CLIC5: variants seen among roughly 807,000 people sequenced by gnomAD.
The protein encoded by CLIC5 is CLIC family member 5.
CLIC5 carries 20 observed loss-of-function variants against 24.7 expected under a neutral mutation model. The observed-to-expected ratio is 0.81, with a 90% CI of 0.57 to 1.18. The LOEUF is 1.18. CLIC5 is among the 50% of genes most tolerant of loss of function. CLIC5 has a pLI of 0.00. For synonymous variants in CLIC5, 159 were observed against 135.6 expected, an observed-to-expected ratio of 1.17 and a Z score of -1.20; for missense variants, 341 against 326.1, an observed-to-expected ratio of 1.05 and a Z score of -0.35.
chr6:45,903,292 G>A (rs1347660198), intron 5 of CLIC5, 37 bp from the exon 6 acceptor site: 5 of 1,534,886 alleles, frequency 3.3e-6, no homozygotes, highest in Non-Finnish European at 4.4e-6. Context: ...TGGTGTGAAG[G>A]CATGAAACAA....
chr6:46,080,529 C>A (rs1762898036), upstream of CLIC5, among the ~76,000 whole-genome samples: 1 of 152,138 alleles, frequency 6.6e-6, no homozygotes, highest in African/African-American at 2.4e-5. Flanking sequence ...GCAGTAACTC[C>A]AAGATTCTTT....
chr6:45,977,718 A>AT (rs960948798), intron 1 of CLIC5, among the ~76,000 whole-genome samples: 1 of 151,968 alleles, frequency 6.6e-6, no homozygotes, highest in Non-Finnish European at 1.5e-5. Flanking sequence ...ACTTTTGTTC[A>AT]TGTCATTTCT....
chr6:46,045,019 C>T (rs1767916663), intron 1 of CLIC5, among the ~76,000 whole-genome samples: 1 of 152,136 alleles, frequency 6.6e-6, no homozygotes, highest in Non-Finnish European at 1.5e-5. Context: ...ATAAATCATT[C>T]TTAGCTTGCT....
chr6:46,011,295 G>C (rs887981084), intron 1 of CLIC5, among the ~76,000 whole-genome samples: 1 of 152,232 alleles, frequency 6.6e-6, no homozygotes, highest in Non-Finnish European at 1.5e-5. Context: ...CCCTGAGGCT[G>C]TTAGAAGTTC....
At chr6:46,043,414 T>G (rs1449932862) in intron 1 of CLIC5, among the ~76,000 whole-genome samples, 1 of 152,212 alleles carries the variant, frequency 6.6e-6, no homozygotes, top group Non-Finnish European at 1.5e-5. Flanking sequence ...TTATGCACCA[T>G]GTTCTCAAAT....
the CLIC5 span, among the ~76,000 whole-genome samples, chr6:46,123,368 C>G: frequency 3.9e-5 from 6 of 152,066 alleles, no homozygotes; most frequent in Non-Finnish European, 7.4e-5. Context: ...AAAGGCCTTC[C>G]ACAATATTCA....
chr6:45,993,660 A>C (rs943507249), intron 1 of CLIC5, among the ~76,000 whole-genome samples: 1 of 152,192 alleles, frequency 6.6e-6, no homozygotes, highest in Non-Finnish European at 1.5e-5. Context: ...AACCCTGACA[A>C]ACTTTCACAT....
Position 45,898,462 on chromosome 6 carries a change from T to C in CLIC5, c.*4626A>G, listed in dbSNP as rs972897133. The C allele has an allele frequency of 6.6e-6, 1 of 152,640 alleles. No homozygotes were observed. The allele number at this position is 152,640 out of a possible 1,614,324, so 9.5% of individuals were successfully genotyped here. A position where few individuals can be genotyped will look rare whatever the true frequency, so the allele number is the denominator to read the frequency against. ...AGTTAGATGACCACTTTTGTAATATTTGAAAATAAACCAACTTTATTTGAA... is the reference window on the plus strand; with the variant it reads ...AGTTAGATGACCACTTTTGTAATATCTGAAAATAAACCAACTTTATTTGAA... On this transcript the variant is annotated 3_prime_UTR_variant, in exon 6 of 6. Coordinates refer to ENST00000339561, the MANE Select transcript of CLIC5 (RefSeq NM_016929.5).
At chr6:46,080,582 C>T (rs2127479780), upstream of CLIC5, among the ~76,000 whole-genome samples, 1 of 152,256 alleles carries the variant, frequency 6.6e-6, no homozygotes, top group South Asian at 2.1e-4. Flanking sequence ...CTGGTATACA[C>T]TGAAATTTTG....
intron 1 of CLIC5, among the ~76,000 whole-genome samples, chr6:46,049,866 A>T (rs549534328): frequency 3.5e-4 from 53 of 152,340 alleles, no homozygotes; most frequent in African/African-American, 1.2e-3. Context: ...TGAGTTAAAC[A>T]AGATTCAAGG....
At chr6:45,905,505 G>C (rs1324679701) in intron 5 of CLIC5, among the ~76,000 whole-genome samples, 1 of 126,662 alleles carries the variant, frequency 7.9e-6, no homozygotes, top group African/African-American at 3.0e-5. Context: ...TTTAATGTTT[G>C]TTGGCCACTT....
rs552883667 is a variant in CLIC5 at position 46,007,789 on chromosome 6, T to C, written c.63+7691A>G. On this transcript the variant is annotated intron_variant, in intron 1 of 5. Coordinates refer to ENST00000339561, the MANE Select transcript of CLIC5 (RefSeq NM_016929.5). ...AATAAATTCTATGGTTTTATGAATG[T>C]TGATCACATTTTATAGAAAAAAAAA... is the stretch of plus-strand genomic sequence containing the variant. Among the ~76,000 whole-genome samples the C allele has an allele frequency of 2.9e-4, 44 of 152,230 alleles. 1 individual carries two copies. Among genetic ancestry groups the C allele is most frequent in the African/African-American group, 1.0e-3 (43 of 41,536 alleles).
At chr6:46,043,778 T>G (rs952183585) in intron 1 of CLIC5, among the ~76,000 whole-genome samples, 1 of 152,212 alleles carries the variant, frequency 6.6e-6, no homozygotes, top group Non-Finnish European at 1.5e-5. Context: ...ATGTCTCCAT[T>G]CACCAATGTG....
rs5875939 is a variant in CLIC5, at chr6:45,881,979, TAA to T, written c.624-793_624-792del. 7.1e-3 allele frequency among the ~76,000 whole-genome samples: 1,055 copies of T among 147,718 alleles called. 3 individuals are homozygous for T. The highest frequency in any genetic ancestry group is 0.016 in the African/African-American group (650 of 40,514). ...ATAGTCAGAGAAAGAAGACTTCCTT[TAA>T]AAAAAAAAAAAAGTGATGTGAATCA... is the stretch of plus-strand genomic sequence containing the variant. On this transcript the variant is annotated intron_variant, in intron 6 of 6. Transcript: ENST00000644324.
intron 1 of CLIC5, among the ~76,000 whole-genome samples, chr6:46,028,790 A>G (rs1767415995): frequency 1.3e-5 from 2 of 152,198 alleles, no homozygotes; most frequent in African/African-American, 4.8e-5. Context: ...CAACTGACAA[A>G]CCTACATAGG....
At chr6:45,908,513 C>T (rs531342763) in intron 5 of CLIC5, among the ~76,000 whole-genome samples, 38 of 151,926 alleles carry the variant, frequency 2.5e-4, no homozygotes, top group Admixed American at 3.9e-4. Flanking sequence ...TTACTTTTGC[C>T]GTAATTTTGT....
chr6:46,040,001 C>T (rs1403123100), intron 1 of CLIC5, among the ~76,000 whole-genome samples: 1 of 152,224 alleles, frequency 6.6e-6, no homozygotes, highest in Non-Finnish European at 1.5e-5. Context: ...CACTTTTTAG[C>T]TGTGTCTTTG....
At chr6:45,982,552 G>C (rs1765601293) in intron 1 of CLIC5, among the ~76,000 whole-genome samples, 2 of 152,184 alleles carry the variant, frequency 1.3e-5, no homozygotes, top group East Asian at 3.9e-4. Context: ...AACCTGTCCA[G>C]CATGTTGCTA....
intron 4 of CLIC5, among the ~76,000 whole-genome samples, chr6:45,940,001 C>T (rs1217121349): frequency 6.6e-6 from 1 of 152,142 alleles, no homozygotes; most frequent in African/African-American, 2.4e-5. Context: ...TTTCTAGTTT[C>T]TTGACACACA....
Sources: gnomAD v4.1 joint callset for allele counts (sites outside exome capture counted in the v4.1 genomes callset) on GRCh38, gnomAD v4.1.1 for gene constraint, MANE v1.5 for transcripts, NCBI Gene and HGNC (gene_info 2026-07-23, HGNC 2026-07-21) for gene names.